The following RNF216 variants were observed in gnomAD, a reference collection of about 807,000 sequenced individuals.
The protein encoded by RNF216 is E3 ubiquitin-protein ligase RNF216.
In RNF216, 72 loss-of-function variants were observed where a neutral mutation model predicts 110.8. That is an observed-to-expected ratio of 0.65 (90% confidence interval 0.54 to 0.79). The LOEUF is 0.79. Ranked by LOEUF, RNF216 falls within the 30% of genes least tolerant of loss-of-function variation. The probability of loss-of-function intolerance (pLI) is 0.00; values close to 1 mark genes in which losing one functional copy is unlikely to be tolerated. For synonymous variants in RNF216, 495 were observed against 407.5 expected (o/e 1.21, Z -2.59); for missense variants, 1,342 against 1,141.2 (o/e 1.18, Z -2.54).
chr7:5,730,146 T>C (rs1013447502), intron 6 of RNF216, among the ~76,000 whole-genome samples: 5 of 152,238 alleles, frequency 3.3e-5, no homozygotes, highest in African/African-American at 1.2e-4. Context: ...TATTCCACTC[T>C]GGGTAATGAC....
chr7:5,649,040 T>C (rs1191594993), intron 14 of RNF216, among the ~76,000 whole-genome samples: 2 of 152,188 alleles, frequency 1.3e-5, no homozygotes, highest in Non-Finnish European at 2.9e-5. Context: ...TGACATGCTG[T>C]CAGGGATTTG....
chr7:5,654,540 A>T (rs1359971225), intron 13 of RNF216, among the ~76,000 whole-genome samples: 2 of 151,814 alleles, frequency 1.3e-5, no homozygotes, highest in Admixed American at 1.3e-4. Context: ...TACAAAAATT[A>T]GTTGGGCGTG....
chr7:5,649,023 G>A (rs1788221063), intron 14 of RNF216, among the ~76,000 whole-genome samples: 1 of 152,190 alleles, frequency 6.6e-6, no homozygotes, highest in Admixed American at 6.5e-5. Context: ...AGGTTTTATG[G>A]GTGAAATGAC....
At chr7:5,724,540 G>C (rs573197036) in intron 8 of RNF216, among the ~76,000 whole-genome samples, 24 of 152,310 alleles carry the variant, frequency 1.6e-4, no homozygotes, top group East Asian at 3.9e-4. Flanking sequence ...AGGCCAGGGC[G>C]AATGTCATGT....
intron 13 of RNF216, among the ~76,000 whole-genome samples, chr7:5,682,730 G>A (rs1790740514): frequency 6.6e-6 from 1 of 152,138 alleles, no homozygotes; most frequent in Admixed American, 6.5e-5. Context: ...TAAATAAGTA[G>A]CATGTAATAG....
intron 15 of RNF216, among the ~76,000 whole-genome samples, chr7:5,631,660 C>A (rs1040945541): frequency 6.9e-6 from 1 of 145,030 alleles, no homozygotes; most frequent in South Asian, 2.1e-4. Context: ...ATTTGGTTCT[C>A]ATCAACATAA....
At chr7:5,765,787 C>CAA (rs56903968) in intron 1 of RNF216, among the ~76,000 whole-genome samples, 265 of 123,266 alleles carry the variant, frequency 2.1e-3, no homozygotes, top group South Asian at 7.5e-3. Flanking sequence ...TACTAAAATA[C>CAA]AAAAAAAAAA....
At position 5,622,670 on chromosome 7, in the gene RNF216, G is replaced by A. The variant is rs1444377844; in HGVS notation, c.*190C>T. On this transcript the variant is annotated 3_prime_UTR_variant, in exon 17 of 17. Coordinates refer to ENST00000389902, the MANE Select transcript of RNF216 (RefSeq NM_207111.4). ...CTCTCCGAACTCCACCATTTGGGACGTCTTTATTATGGATCCGTCCACTCT... is the reference window on the plus strand; with the variant it reads ...CTCTCCGAACTCCACCATTTGGGACATCTTTATTATGGATCCGTCCACTCT... 33 of 600,398 alleles carry A rather than the reference G, an allele frequency of 5.5e-5. No individual in the cohort carries two copies. Among genetic ancestry groups the A allele is most frequent in the Non-Finnish European group, 1.4e-5 (5 of 345,554 alleles). 37.2% of individuals were successfully genotyped at this position (600,398 alleles called of 1,614,324 possible). A position where few individuals can be genotyped will look rare whatever the true frequency, so the allele number is the denominator to read the frequency against.
chr7:5,636,136 C>A (rs897903164), intron 15 of RNF216, among the ~76,000 whole-genome samples: 1 of 152,200 alleles, frequency 6.6e-6, no homozygotes, highest in Non-Finnish European at 1.5e-5. Flanking sequence ...ACTCCTGTGG[C>A]CATGCAAGGA....
At chr7:5,742,375 A>G (rs1794805193) in intron 3 of RNF216, among the ~76,000 whole-genome samples, 1 of 152,092 alleles carries the variant, frequency 6.6e-6, no homozygotes, top group Non-Finnish European at 1.5e-5. Context: ...TGAGACTACT[A>G]AAACAAAAAT....
intron 13 of RNF216, among the ~76,000 whole-genome samples, chr7:5,671,658 AGCTGGGCGCGGTG>A (rs2128595856): frequency 6.6e-6 from 1 of 152,214 alleles, no homozygotes; most frequent in East Asian, 1.9e-4. Context: ...CAAAAAAATC[AGCTGGGCGCGGTG>A]GCGGGCACCT....
intron 13 of RNF216, among the ~76,000 whole-genome samples, chr7:5,707,875 G>A (rs1055840601): frequency 1.3e-5 from 2 of 152,040 alleles, no homozygotes; most frequent in Non-Finnish European, 2.9e-5. Flanking sequence ...ACAGGCGCAC[G>A]CAACCACACC....
intron 15 of RNF216, among the ~76,000 whole-genome samples, chr7:5,639,081 A>G (rs1787575308): frequency 6.6e-6 from 1 of 152,178 alleles, no homozygotes; most frequent in African/African-American, 2.4e-5. Context: ...TTCCCGTCTC[A>G]CTTGCAGTTG....
intron 13 of RNF216, among the ~76,000 whole-genome samples, chr7:5,677,808 G>C (rs766963004): frequency 6.6e-6 from 1 of 152,178 alleles, no homozygotes; most frequent in Non-Finnish European, 1.5e-5. Flanking sequence ...GAGACCATTA[G>C]AGTAACTAAA....
intron 14 of RNF216, among the ~76,000 whole-genome samples, chr7:5,642,073 T>C (rs1787769416): frequency 6.7e-6 from 1 of 149,014 alleles, no homozygotes; most frequent in Non-Finnish European, 1.5e-5. Context: ...AAAGAAAACA[T>C]TGTCAAGGAG....
At chr7:5,711,274 C>T (rs542311465) in intron 13 of RNF216, among the ~76,000 whole-genome samples, 177 of 152,300 alleles carry the variant, frequency 1.2e-3, no homozygotes, top group African/African-American at 4.0e-3. Flanking sequence ...ATAGTCAGTT[C>T]TCATGAGGAG....
chr7:5,636,447 G>A (rs1451915362), intron 15 of RNF216, among the ~76,000 whole-genome samples: 2 of 152,164 alleles, frequency 1.3e-5, no homozygotes, highest in Non-Finnish European at 2.9e-5. Context: ...GCAATCCCTA[G>A]TCATTAAGGA....
In RNF216 at chr7:5,711,767, G is replaced by A. The variant is rs1019850635; in HGVS notation, c.2055C>T (p.Cys685=). ...AAAAAATGTGCCTCCCTACCTTTCG[G>A]CAGTGAGGATTAGGACAGCTGAACC... ...VKRFSCPNPH[C]RKETCRKCQG... is the part of the protein sequence containing the mutation. The change falls in exon 13 of 17, where the codon TGC becomes TGT. Residue 685 remains cysteine, a synonymous_variant. Transcript: ENST00000389902. 1.1e-5 allele frequency: 18 copies of A among 1,612,908 alleles called. No homozygotes were observed. The highest frequency in any genetic ancestry group is 1.5e-5 in the Non-Finnish European group (18 of 1,179,534).
intron 15 of RNF216, among the ~76,000 whole-genome samples, chr7:5,627,070 G>A (rs1244194174): frequency 6.6e-6 from 1 of 152,150 alleles, no homozygotes; most frequent in Non-Finnish European, 1.5e-5. Flanking sequence ...TACACCATCA[G>A]TCCCCAAGGG....
Sources: allele counts gnomAD v4.1 joint callset (sites outside exome capture counted in the v4.1 genomes callset), GRCh38; gene constraint gnomAD v4.1.1; transcripts MANE v1.5; gene names NCBI Gene and HGNC (gene_info 2026-07-23, HGNC 2026-07-21).